Variants in CAMK4 observed in about 807,000 individuals in gnomAD.
The protein encoded by CAMK4 is calcium/calmodulin dependent protein kinase IV.
Under a neutral mutation model 44.9 loss-of-function variants are expected in CAMK4, and 22 were observed. That is an observed-to-expected ratio of 0.49 (90% confidence interval 0.35 to 0.70). The LOEUF (loss-of-function observed/expected upper bound fraction) is 0.70. Among genes scored for constraint, CAMK4 ranks in the 30% least tolerant of loss-of-function variants. The pLI is 0.01. For synonymous variants in CAMK4, 218 were observed against 215.4 expected (o/e 1.01, Z -0.11); for missense variants, 498 against 586.8 (o/e 0.85, Z 1.56).
chr5:111,251,300 G>A (rs1749479965), intron 1 of CAMK4, among the ~76,000 whole-genome samples: 1 of 152,162 alleles, frequency 6.6e-6, no homozygotes, highest in African/African-American at 2.4e-5. Context: ...ATTCTTCATT[G>A]ACTAAGACAC....
chr5:111,231,214 C>A (rs1264917244), intron 1 of CAMK4, among the ~76,000 whole-genome samples: 2 of 152,086 alleles, frequency 1.3e-5, no homozygotes, highest in East Asian at 3.9e-4. Flanking sequence ...TGGTAAAGAT[C>A]AAATAAAGAA....
chr5:111,236,366 A>T (rs75524011), intron 1 of CAMK4, among the ~76,000 whole-genome samples: 11 of 152,330 alleles, frequency 7.2e-5, no homozygotes, highest in African/African-American at 2.6e-4. Context: ...TGGTGTGATT[A>T]TACTGTCTTT....
intron 1 of CAMK4, among the ~76,000 whole-genome samples, chr5:111,324,215 CA>C (rs1377332490): frequency 6.6e-6 from 1 of 151,442 alleles, no homozygotes; most frequent in Non-Finnish European, 1.5e-5. Flanking sequence ...AATTATATCA[CA>C]AATAATAATA....
intron 5 of CAMK4, among the ~76,000 whole-genome samples, chr5:111,400,753 T>C (rs1434812274): frequency 1.3e-5 from 2 of 152,214 alleles, no homozygotes; most frequent in Non-Finnish European, 2.9e-5. Flanking sequence ...TCCTCTTGAG[T>C]ATTCTCTCTT....
At chr5:111,393,395 T>A (rs1389373210) in intron 4 of CAMK4, among the ~76,000 whole-genome samples, 1 of 152,194 alleles carries the variant, frequency 6.6e-6, no homozygotes, top group Non-Finnish European at 1.5e-5. Flanking sequence ...GAATGAAATG[T>A]AATCCTCTAG....
At chr5:111,387,109 T>C (rs1751632038) in intron 4 of CAMK4, among the ~76,000 whole-genome samples, 1 of 152,196 alleles carries the variant, frequency 6.6e-6, no homozygotes, top group South Asian at 2.1e-4. Flanking sequence ...AAACAGAAAT[T>C]AGTTTACTAA....
chr5:111,364,222 C>T (rs979813022), intron 2 of CAMK4, among the ~76,000 whole-genome samples: 5 of 151,860 alleles, frequency 3.3e-5, no homozygotes, highest in African/African-American at 9.7e-5. Flanking sequence ...GGATCATGCT[C>T]GTGTGTTCTA....
chr5:111,230,796 T>C (rs982459045), intron 1 of CAMK4, among the ~76,000 whole-genome samples: 1 of 152,072 alleles, frequency 6.6e-6, no homozygotes, highest in Non-Finnish European at 1.5e-5. Context: ...TGTTAATATT[T>C]TTTTTCTTTT....
intron 1 of CAMK4, among the ~76,000 whole-genome samples, chr5:111,334,138 T>G (rs527705072): frequency 1.1e-4 from 17 of 151,686 alleles, no homozygotes; most frequent in African/African-American, 4.1e-4. Flanking sequence ...GTATCATTCC[T>G]TGACATGATA....
At chr5:111,239,264 C>T (rs530671423) in intron 1 of CAMK4, among the ~76,000 whole-genome samples, 14 of 152,136 alleles carry the variant, frequency 9.2e-5, no homozygotes, top group African/African-American at 2.2e-4. Flanking sequence ...ATGATGCTTA[C>T]GATTAATTCG....
At chr5:111,451,422 C>A (rs1754233114) in intron 7 of CAMK4, among the ~76,000 whole-genome samples, 1 of 151,964 alleles carries the variant, frequency 6.6e-6, no homozygotes, top group African/African-American at 2.4e-5. Flanking sequence ...CTCAGCCTCC[C>A]AAGTAGCTGG....
chr5:111,224,334 C>A (rs1026273887), upstream of CAMK4: 38 of 1,174,284 alleles, frequency 3.2e-5, no homozygotes, highest in Non-Finnish European at 4.0e-5. This position sits in a 1 kb window ranked among gnomAD's most constrained non-coding sequence, Gnocchi z 5.7. Flanking sequence ...ACCGTCCCTG[C>A]GAGCGCGGGC....
chr5:111,477,131 C>G (rs1188208719), intron 8 of CAMK4, among the ~76,000 whole-genome samples: 2 of 152,158 alleles, frequency 1.3e-5, no homozygotes, highest in South Asian at 4.2e-4. Context: ...CCTGTCTCAC[C>G]TTAGGCTGCT....
rs551269968 is a variant in CAMK4 at position 111,466,210 on chromosome 5, A to C, written c.626-7101A>C. Among the ~76,000 whole-genome samples, 11 of 152,344 alleles carry C rather than the reference A, an allele frequency of 7.2e-5. No individual in the cohort carries two copies. In the South Asian group the frequency reaches 1.2e-3, roughly 17 times the overall value. ...AGAAGGGTCGTACCTTTACATAATA[A>C]GACTCATCTATGACAAACCCAAAGC... On this transcript the variant is annotated intron_variant, in intron 7 of 10. Transcript: ENST00000282356.
chr5:111,228,172 T>C (rs1748288793), intron 1 of CAMK4, among the ~76,000 whole-genome samples: 2 of 152,218 alleles, frequency 1.3e-5, no homozygotes. Context: ...AAACCAGATG[T>C]ATTCCCAGAC....
chr5:111,330,030 A>G (rs1412545934), intron 1 of CAMK4, among the ~76,000 whole-genome samples: 2 of 151,548 alleles, frequency 1.3e-5, no homozygotes, highest in African/African-American at 4.8e-5. Flanking sequence ...TTGAAGTAAA[A>G]CTATTTATTC....
chr5:111,270,941 A>C (rs1750484157), intron 1 of CAMK4, among the ~76,000 whole-genome samples: 2 of 152,202 alleles, frequency 1.3e-5, no homozygotes, highest in African/African-American at 4.8e-5. Context: ...GGAAACTTAC[A>C]ATCATGGCAG....
chr5:111,361,960 T>A (rs1206722874), intron 2 of CAMK4, among the ~76,000 whole-genome samples: 2 of 152,032 alleles, frequency 1.3e-5, no homozygotes, highest in Non-Finnish European at 2.9e-5. Flanking sequence ...AATCCCTATA[T>A]TTCTAAATTT....
intron 1 of CAMK4, among the ~76,000 whole-genome samples, chr5:111,260,704 C>T (rs10061991): frequency 0.016 from 2,494 of 152,214 alleles, 71 homozygotes; most frequent in African/African-American, 0.057. Context: ...AGGTTTTGTT[C>T]GTTCCTTATC....
Sources: allele counts gnomAD v4.1 joint callset (sites outside exome capture counted in the v4.1 genomes callset), GRCh38; gene constraint gnomAD v4.1.1; non-coding constraint Gnocchi (gnomAD v3.1); transcripts MANE v1.5; gene names NCBI Gene and HGNC (gene_info 2026-07-23, HGNC 2026-07-21).